The following EAF2 variants were observed in gnomAD, a reference collection of about 807,000 sequenced individuals.
The protein encoded by EAF2 is ELL associated factor 2.
EAF2 carries 29 observed loss-of-function variants against 29.4 expected under a neutral mutation model. The observed-to-expected ratio is 0.99, with a 90% CI of 0.73 to 1.35. The LOEUF (loss-of-function observed/expected upper bound fraction) is 1.35. Among genes scored for constraint, EAF2 ranks in the 40% most tolerant of loss-of-function variants. EAF2 has a pLI of 0.00. For synonymous variants in EAF2, 103 were observed against 102.5 expected (o/e 1.00, Z -0.03); for missense variants, 292 against 312.0 (o/e 0.94, Z 0.48).
Position 121,835,285 on chromosome 3 carries a change from T to C in EAF2, c.-1T>C. 6.2e-7 allele frequency: 1 copy of C among 1,614,078 alleles called. No individual in the cohort carries two copies. Among genetic ancestry groups the C allele is most frequent in the East Asian group, 2.2e-5 (1 of 44,862 alleles). On this transcript the variant is annotated 5_prime_UTR_variant, in exon 1 of 6. Coordinates refer to ENST00000273668, the MANE Select transcript of EAF2 (RefSeq NM_018456.6). The stretch of plus-strand genomic sequence containing the variant: ...GTTAAAGTCAAAGCAGGAGAGTAAT[T>C]ATGAATAGCGCAGCGGGATTCTCAC...
At chr3:121,842,207 G>T (rs780833138) in intron 1 of EAF2, among the ~76,000 whole-genome samples, 4 of 151,964 alleles carry the variant, frequency 2.6e-5, no homozygotes, top group African/African-American at 9.7e-5. Flanking sequence ...AATTAATAAA[G>T]TTGCGGATCA....
At chr3:121,873,985 CTCTT>C (rs1185021308) in intron 5 of EAF2, among the ~76,000 whole-genome samples, 1 of 151,748 alleles carries the variant, frequency 6.6e-6, no homozygotes, top group African/African-American at 2.4e-5. Context: ...GTGATTTGCT[CTCTT>C]TCTCTAGAGT....
chr3:121,846,041 T>C (rs1156871288), intron 2 of EAF2, among the ~76,000 whole-genome samples: 1 of 152,068 alleles, frequency 6.6e-6, no homozygotes, highest in Non-Finnish European at 1.5e-5. Context: ...AAATGCTGGA[T>C]TTTTTGAGAT....
intron 2 of EAF2, among the ~76,000 whole-genome samples, chr3:121,851,855 T>C (rs1708639162): frequency 6.6e-6 from 1 of 152,210 alleles, no homozygotes; most frequent in Non-Finnish European, 1.5e-5. Flanking sequence ...CAATAGTTAT[T>C]TAGAGGCAAT....
chr3:121,842,599 A>T (rs1170510846), intron 1 of EAF2, among the ~76,000 whole-genome samples: 4 of 152,236 alleles, frequency 2.6e-5, no homozygotes, highest in Non-Finnish European at 4.4e-5. Flanking sequence ...AGTAAAAATC[A>T]TCAGGAAAAA....
In EAF2 at chr3:121,835,211, G is replaced by GT; in HGVS notation, c.-74dup. 7.0e-7 allele frequency: 1 copy of GT among 1,428,354 alleles called. No individual in the cohort carries two copies. Among genetic ancestry groups the GT allele is most frequent in the Non-Finnish European group, 9.9e-7 (1 of 1,013,532 alleles). 88.5% of individuals were successfully genotyped at this position (1,428,354 alleles called of 1,614,324 possible). A position where few individuals can be genotyped will look rare whatever the true frequency, so the allele number is the denominator to read the frequency against. On this transcript the variant is annotated 5_prime_UTR_variant, in exon 1 of 6. Coordinates refer to ENST00000273668, the MANE Select transcript of EAF2 (RefSeq NM_018456.6). ...TGGGTGACTTGGCTGGCGGGATCAA[G>GT]TGCAGCTGCTTCAGGCTGAGGTGGC...
At chr3:121,837,972 G>C (rs1207617774) in intron 1 of EAF2, among the ~76,000 whole-genome samples, 1 of 152,132 alleles carries the variant, frequency 6.6e-6, no homozygotes, top group East Asian at 1.9e-4. Flanking sequence ...GTTTGTAAAT[G>C]ACACCACTTT....
intron 2 of EAF2, among the ~76,000 whole-genome samples, chr3:121,845,459 A>AAAAAAAAAGAAAG (rs71133578): frequency 4.1e-5 from 4 of 96,602 alleles, no homozygotes; most frequent in Non-Finnish European, 5.7e-5. Context: ...AAAAAAAAAA[A>AAAAAAAAAGAAAG]AAAGAAAGAA....
chr3:121,862,666 T>C (rs1366382322), intron 4 of EAF2, among the ~76,000 whole-genome samples: 2 of 152,242 alleles, frequency 1.3e-5, no homozygotes, highest in Admixed American at 1.3e-4. Flanking sequence ...TCTGAAGCCT[T>C]CTTCTCTCTA....
chr3:121,871,148 G>A (rs1435213471), intron 4 of EAF2, among the ~76,000 whole-genome samples: 1 of 151,526 alleles, frequency 6.6e-6, no homozygotes. Flanking sequence ...TAGAAAATGG[G>A]TAACTAACTT....
In EAF2 at chr3:121,854,838, GAAAT is replaced by G; in HGVS notation, c.338+20_338+23del. ...AAAAAAACAAGGTATGTGGTTTAAT[GAAAT>G]AAATTATATTATAAACATAAATTTC... On this transcript the variant is annotated intron_variant, in intron 3 of 5. Transcript: ENST00000273668. The G allele has an allele frequency of 6.5e-7, 1 of 1,533,860 alleles. No homozygotes were observed. The highest frequency in any genetic ancestry group is 8.7e-7 in the Non-Finnish European group (1 of 1,151,270).
intron 5 of EAF2, among the ~76,000 whole-genome samples, chr3:121,884,959 T>C (rs1214709085): frequency 6.6e-6 from 1 of 152,236 alleles, no homozygotes; most frequent in African/African-American, 2.4e-5. Flanking sequence ...GATAAACCTG[T>C]ACGATCAATG....
chr3:121,865,049 T>C (rs1708899920), intron 4 of EAF2, among the ~76,000 whole-genome samples: 1 of 152,146 alleles, frequency 6.6e-6, no homozygotes, highest in South Asian at 2.1e-4. Context: ...AGTTCTTCCA[T>C]GTGGTAGTTT....
intron 1 of EAF2, among the ~76,000 whole-genome samples, chr3:121,841,224 C>T (rs1490056584): frequency 6.6e-6 from 1 of 152,184 alleles, no homozygotes; most frequent in Non-Finnish European, 1.5e-5. Flanking sequence ...TTGAGGACTA[C>T]CGGGCATGGT....
At chr3:121,879,922 G>A (rs995557342) in intron 5 of EAF2, among the ~76,000 whole-genome samples, 1 of 151,986 alleles carries the variant, frequency 6.6e-6, no homozygotes, top group Admixed American at 6.6e-5. Context: ...TGTGAAGAAT[G>A]TCTTTGGTAT....
At chr3:121,860,838 T>G (rs1412913291) in intron 4 of EAF2, among the ~76,000 whole-genome samples, 3 of 152,218 alleles carry the variant, frequency 2.0e-5, no homozygotes, top group African/African-American at 7.2e-5. Flanking sequence ...ACACACTGCT[T>G]TAAATGTGTC....
chr3:121,845,440 C>CAAAAAAAAAAAAAAAAAAAAAAAAA (rs747436052), intron 2 of EAF2, among the ~76,000 whole-genome samples: 1 of 59,964 alleles, frequency 1.7e-5, no homozygotes, highest in Non-Finnish European at 3.1e-5. Context: ...TCCTACATCT[C>CAAAAAAAAAAAAAAAAAAAAAAAAA]AAAAAAAAAA....
At position 121,835,405 on chromosome 3, in the gene EAF2, A is replaced by C. The variant is rs1708240253; in HGVS notation, c.106+14A>C. 3 of 1,611,940 alleles carry C rather than the reference A, an allele frequency of 1.9e-6. No homozygotes were observed. The highest frequency in any genetic ancestry group is 2.2e-5 in the South Asian group (2 of 91,012). ...ACACTGTGCGCTGTGAGTGAGGACCATCCGGGGATAGAGGGGGAGCCTCCC... is the reference window on the plus strand; with the variant it reads ...ACACTGTGCGCTGTGAGTGAGGACCCTCCGGGGATAGAGGGGGAGCCTCCC... On this transcript the variant is annotated intron_variant, in intron 1 of 5. Coordinates refer to ENST00000273668, the MANE Select transcript of EAF2 (RefSeq NM_018456.6).
At chr3:121,837,127 G>A (rs1178482181) in intron 1 of EAF2, among the ~76,000 whole-genome samples, 3 of 152,130 alleles carry the variant, frequency 2.0e-5, no homozygotes, top group Non-Finnish European at 4.4e-5. Context: ...ACTTAGTCCT[G>A]TGGAAGACAG....
Sources: gnomAD v4.1 joint callset for allele counts (sites outside exome capture counted in the v4.1 genomes callset) on GRCh38, gnomAD v4.1.1 for gene constraint, MANE v1.5 for transcripts, NCBI Gene and HGNC (gene_info 2026-07-23, HGNC 2026-07-21) for gene names.